GRIK2: variants seen among roughly 807,000 people sequenced by gnomAD.
The protein encoded by GRIK2 is glutamate ionotropic receptor kainate type subunit 2, also known as glutamate receptor ionotropic, kainate 2.
A neutral mutation model predicts 100.3 loss-of-function variants in GRIK2; 32 were observed. That is an observed-to-expected ratio of 0.32 (90% CI 0.24 to 0.43). The LOEUF is 0.43. Among genes scored for constraint, GRIK2 ranks in the 20% least tolerant of loss-of-function variants. The probability of loss-of-function intolerance (pLI) is 1.00; values close to 1 mark genes in which losing one functional copy is unlikely to be tolerated. For missense variants in GRIK2, 843 were observed against 1,114.9 expected (o/e 0.76, Z 3.47); for synonymous variants, 417 against 389.4 (o/e 1.07, Z -0.83).
rs186105889 is a variant in GRIK2 at position 101,465,487 on chromosome 6, A to G, written c.115+66095A>G. Reference sequence around the variant, plus strand: ...GGCTGAATAGTATTCTGTTGTATGTATGTTCCACTTTCTTAATCCAATCAC... The same window carrying G: ...GGCTGAATAGTATTCTGTTGTATGTGTGTTCCACTTTCTTAATCCAATCAC... On this transcript the variant is annotated intron_variant, in intron 2 of 16. Transcript: ENST00000369134. 3.3e-5 allele frequency among the ~76,000 whole-genome samples: 5 copies of G among 152,282 alleles called. No homozygotes were observed. The East Asian group carries it at 5.8e-4, about 18-fold the overall frequency.
chr6:102,029,897 C>T (rs938402579), intron 14 of GRIK2, among the ~76,000 whole-genome samples: 1 of 151,098 alleles, frequency 6.6e-6, no homozygotes, highest in African/African-American at 2.4e-5. Context: ...TCAATTCCTG[C>T]GTCTTTCCTG....
intron 2 of GRIK2, among the ~76,000 whole-genome samples, chr6:101,479,863 T>C (rs1168469518): frequency 6.6e-6 from 1 of 152,220 alleles, no homozygotes; most frequent in African/African-American, 2.4e-5. Flanking sequence ...TAAGACAATA[T>C]TTTAATTTCC....
intron 2 of GRIK2, among the ~76,000 whole-genome samples, chr6:101,510,253 G>C (rs926744468): frequency 6.6e-6 from 1 of 152,134 alleles, no homozygotes; most frequent in South Asian, 2.1e-4. Flanking sequence ...GTTTACAGAA[G>C]AAGTGTTGTC....
At chr6:101,737,021 AG>A (rs1219087294) in intron 7 of GRIK2, among the ~76,000 whole-genome samples, 2 of 152,300 alleles carry the variant, frequency 1.3e-5, no homozygotes, top group African/African-American at 4.8e-5. Context: ...AAATGCCACC[AG>A]TCTCTTTGCT....
intron 7 of GRIK2, among the ~76,000 whole-genome samples, chr6:101,692,861 G>A (rs1772207172): frequency 6.6e-6 from 1 of 152,028 alleles, no homozygotes; most frequent in Non-Finnish European, 1.5e-5. Context: ...ATATTTCAGA[G>A]TATGTAATGA....
At chr6:101,953,959 A>G (rs1791754665) in intron 14 of GRIK2, among the ~76,000 whole-genome samples, 2 of 152,106 alleles carry the variant, frequency 1.3e-5, no homozygotes, top group Non-Finnish European at 2.9e-5. Context: ...ACACAATTCC[A>G]TCCCTTTGTA....
chr6:101,555,523 A>G (rs1318352800), intron 2 of GRIK2, among the ~76,000 whole-genome samples: 1 of 152,204 alleles, frequency 6.6e-6, no homozygotes, highest in Non-Finnish European at 1.5e-5. Flanking sequence ...GACTTCAATG[A>G]TACTCAGGAA....
At chr6:102,048,113 AAAC>A (rs1265488736) in intron 15 of GRIK2, among the ~76,000 whole-genome samples, 4 of 151,296 alleles carry the variant, frequency 2.6e-5, no homozygotes, top group Admixed American at 6.6e-5. Flanking sequence ...CAATGGAAAA[AAAC>A]AGTTCTTCAA....
At chr6:101,997,777 T>C (rs1289247636) in intron 14 of GRIK2, among the ~76,000 whole-genome samples, 1 of 152,072 alleles carries the variant, frequency 6.6e-6, no homozygotes, top group African/African-American at 2.4e-5. Context: ...GCTCCACTTA[T>C]TTTTACTAAA....
intron 2 of GRIK2, among the ~76,000 whole-genome samples, chr6:101,519,300 C>T (rs967292329): frequency 7.1e-5 from 10 of 141,064 alleles, no homozygotes; most frequent in African/African-American, 2.3e-4. Flanking sequence ...CGGAGTTAAA[C>T]GTGTGTGTGT....
chr6:101,889,581 A>G, intron 11 of GRIK2, 59 bp from the exon 12 acceptor site: 1 of 983,070 alleles, frequency 1.0e-6, no homozygotes, highest in Non-Finnish European at 1.5e-6. Context: ...ACTGAAAATC[A>G]ATTTTTTCTC....
intron 14 of GRIK2, among the ~76,000 whole-genome samples, chr6:101,978,353 G>C (rs576369330): frequency 6.6e-6 from 1 of 152,070 alleles, no homozygotes; most frequent in East Asian, 1.9e-4. Context: ...CTCTGCCATG[G>C]ATGATCTGGA....
At chr6:101,404,938 C>A (rs1254745625) in intron 2 of GRIK2, among the ~76,000 whole-genome samples, 1 of 152,156 alleles carries the variant, frequency 6.6e-6, no homozygotes, top group East Asian at 1.9e-4. Flanking sequence ...CATAGGGCTT[C>A]CTGTTTTTCT....
At chr6:101,588,617 CT>C (rs1403876048) in intron 2 of GRIK2, among the ~76,000 whole-genome samples, 1 of 151,826 alleles carries the variant, frequency 6.6e-6, no homozygotes, top group Non-Finnish European at 1.5e-5. Flanking sequence ...TGAATAGCCA[CT>C]GCACTCCAGG....
chr6:101,514,003 G>A (rs1274621278), intron 2 of GRIK2, among the ~76,000 whole-genome samples: 1 of 151,946 alleles, frequency 6.6e-6, no homozygotes, highest in Non-Finnish European at 1.5e-5. Context: ...TAGACAAATT[G>A]CTTGCAAGAC....
chr6:101,704,980 TA>T (rs1562322824), intron 7 of GRIK2, among the ~76,000 whole-genome samples: 1 of 147,010 alleles, frequency 6.8e-6, no homozygotes, highest in Non-Finnish European at 1.5e-5. Flanking sequence ...ATATTTATAT[TA>T]TATATTTATA....
chr6:101,882,562 T>A (rs968048801), intron 11 of GRIK2, among the ~76,000 whole-genome samples: 6 of 148,802 alleles, frequency 4.0e-5, no homozygotes, highest in South Asian at 2.1e-4. Context: ...ATCTATTACT[T>A]TTTTTTTTTA....
chr6:101,478,483 C>G (rs959813884), intron 2 of GRIK2, among the ~76,000 whole-genome samples: 3 of 143,174 alleles, frequency 2.1e-5, no homozygotes, highest in Non-Finnish European at 3.0e-5. Context: ...AAGGAACAAA[C>G]TTGTTCTTTT....
At chr6:101,975,793 G>GTCTATCTATCTGTCTGTCTGTCTA (rs1450931270) in intron 14 of GRIK2, among the ~76,000 whole-genome samples, 137 of 96,958 alleles carry the variant, frequency 1.4e-3, no homozygotes, top group Non-Finnish European at 2.0e-3. Context: ...CTGTCTGTCT[G>GTCTATCTATCTGTCTGTCTGTCTA]TCTATCTATC....
Sources: allele counts gnomAD v4.1 joint callset (sites outside exome capture counted in the v4.1 genomes callset), GRCh38; gene constraint gnomAD v4.1.1; transcripts MANE v1.5; gene names NCBI Gene and HGNC (gene_info 2026-07-23, HGNC 2026-07-21).